ADGRD1: variants seen among roughly 807,000 people sequenced by gnomAD.
ADGRD1 encodes G-protein coupled receptor 133.
A neutral mutation model predicts 113.4 loss-of-function variants in ADGRD1; 77 were observed. The ratio of observed to expected loss-of-function variants is 0.68; its 90% CI spans 0.57 to 0.82. ADGRD1 has a LOEUF of 0.82. Ranked by LOEUF, ADGRD1 falls within the 40% of genes least tolerant of loss-of-function variation. The probability of loss-of-function intolerance (pLI) is 0.00; values close to 1 mark genes in which losing one functional copy is unlikely to be tolerated. For missense variants in ADGRD1, 1,036 were observed against 1,139.1 expected, an observed-to-expected ratio of 0.91 and a Z score of 1.30; for synonymous variants, 474 against 475.0, an observed-to-expected ratio of 1.00 and a Z score of 0.03.
chr12:131,120,977 G>C, intron 20 of ADGRD1, 64 bp downstream of exon 20: 1 of 1,473,070 alleles, frequency 6.8e-7, no homozygotes, highest in Non-Finnish European at 9.4e-7. Flanking sequence ...GAGGGTGTGG[G>C]GCTCTGGAGA....
chr12:131,014,574 C>T lies in ADGRD1; in HGVS notation c.1473+234C>T, dbSNP rs1878339004. Among the ~76,000 whole-genome samples the T allele has an allele frequency of 1.3e-5, 2 of 152,150 alleles. 1 individual carries two copies. The highest frequency in any genetic ancestry group is 4.8e-5 in the African/African-American group (2 of 41,434). ...CGCGGTGTCGATGTTGGGGAAGAGG[C>T]GTCGAGGTGGCTCTCCTAGACGTGT... On this transcript the variant is annotated intron_variant, in intron 13 of 24. Transcript: ENST00000261654.
chr12:131,031,515 C>T (rs1304253306), intron 13 of ADGRD1, among the ~76,000 whole-genome samples: 1 of 152,148 alleles, frequency 6.6e-6, no homozygotes, highest in Middle Eastern at 3.2e-3. Context: ...CACAGCTTCT[C>T]AGATTTGCGT....
chr12:131,014,082 C>A, intron 12 of ADGRD1, 117 bp from the exon 13 acceptor site: 2 of 1,011,666 alleles, frequency 2.0e-6, no homozygotes, highest in Non-Finnish European at 2.9e-6. Flanking sequence ...AAGCTTCATC[C>A]AAAGAAGATT....
intron 15 of ADGRD1, among the ~76,000 whole-genome samples, chr12:131,089,004 C>T (rs964134305): frequency 1.3e-5 from 2 of 152,176 alleles, no homozygotes; most frequent in African/African-American, 2.4e-5. Flanking sequence ...AGTGAGGCCC[C>T]ACCGGTCCCA....
intron 20 of ADGRD1, among the ~76,000 whole-genome samples, chr12:131,130,757 G>A (rs552286318): frequency 1.3e-5 from 2 of 150,178 alleles, no homozygotes; most frequent in East Asian, 1.9e-4. Flanking sequence ...TCCCGTGCGG[G>A]GGGAGAGCGA....
intron 8 of ADGRD1, among the ~76,000 whole-genome samples, chr12:130,998,376 C>T (rs1426330657): frequency 6.6e-6 from 1 of 152,218 alleles, no homozygotes; most frequent in Non-Finnish European, 1.5e-5. Flanking sequence ...CAGATTTACC[C>T]AAAACCCCAG....
chr12:130,991,077 T>A lies in ADGRD1; in HGVS notation c.809T>A (p.Val270Glu), dbSNP rs147773154. The A allele has an allele frequency of 6.2e-7, 1 of 1,613,408 alleles. No homozygotes were observed. Among genetic ancestry groups the A allele is most frequent in the Non-Finnish European group, 8.5e-7 (1 of 1,179,390 alleles). The change falls in exon 7 of 25, where the codon GTG becomes GAG. Residue 270 changes from valine to glutamate, a missense_variant and splice_region_variant. Transcript: ENST00000261654. ...SLFMTSTASP[V>E]MPTDAYHPII... The stretch of plus-strand genomic sequence containing the variant: ...TTCATGACATCCACAGCAAGCCCCG[T>A]GGTGAGCAGACACATCTTCCTTGGT...
chr12:131,052,252 A>T (rs1883468338), intron 13 of ADGRD1, among the ~76,000 whole-genome samples: 1 of 152,120 alleles, frequency 6.6e-6, no homozygotes, highest in Non-Finnish European at 1.5e-5. Context: ...ATTTTCTCTG[A>T]GATGAGAACC....
In ADGRD1 at chr12:131,139,605, G is replaced by C. The variant is rs1951195145; in HGVS notation, c.*342G>C. The C allele has an allele frequency of 4.6e-6, 1 of 218,312 alleles. No homozygotes were observed. The highest frequency in any genetic ancestry group is 1.2e-4 in the East Asian group (1 of 8,678). The allele number at this position is 218,312 out of a possible 1,614,324, so 13.5% of individuals were successfully genotyped here. On this transcript the variant is annotated 3_prime_UTR_variant, in exon 25 of 25. Transcript: ENST00000261654. ...AGACCCAGCGAGGCCAGGACACTCG[G>C]GGCCGGTCCCGCAGCACCAGGAGGG...
Position 130,971,714 on chromosome 12 carries a change from C to A in ADGRD1, c.310+134C>A. ...ATGCGTGAGAATGTCAACGATGGAT[C>A]GGAGGGCAGGGGAGGGAGGAATACA... On this transcript the variant is annotated intron_variant, in intron 4 of 24. Coordinates refer to ENST00000261654, the MANE Select transcript of ADGRD1 (RefSeq NM_198827.5). This position sits in a 1 kb window ranked among gnomAD's most constrained non-coding sequence, Gnocchi z 4.2. The A allele has an allele frequency of 1.1e-6, 1 of 889,228 alleles. No individual in the cohort carries two copies. Among genetic ancestry groups the A allele is most frequent in the Non-Finnish European group, 1.6e-6 (1 of 616,856 alleles). 55.1% of individuals were successfully genotyped at this position (889,228 alleles called of 1,614,324 possible).
At chr12:131,095,884 A>ACCT (rs1887243300) in intron 15 of ADGRD1, among the ~76,000 whole-genome samples, 1 of 152,096 alleles carries the variant, frequency 6.6e-6, no homozygotes. Context: ...GTGTCAGGAG[A>ACCT]CAGAGGGGTT....
At chr12:131,004,890 C>T (rs752621593) in intron 11 of ADGRD1, among the ~76,000 whole-genome samples, 6 of 152,168 alleles carry the variant, frequency 3.9e-5, no homozygotes, top group Admixed American at 6.5e-5. Context: ...CTACAATGAC[C>T]GTCACCCTCT....
chr12:131,105,221 G>A (rs184435636), intron 16 of ADGRD1, among the ~76,000 whole-genome samples: 9 of 152,368 alleles, frequency 5.9e-5, no homozygotes, highest in Admixed American at 1.3e-4. Flanking sequence ...TTGAGGGCCC[G>A]ACTGTGCCCA....
At chr12:130,964,988 TTAAAG>T (rs1870852437) in intron 2 of ADGRD1, among the ~76,000 whole-genome samples, 1 of 152,222 alleles carries the variant, frequency 6.6e-6, no homozygotes, top group Non-Finnish European at 1.5e-5. Context: ...TACTCATAGA[TTAAAG>T]TATAGTTTAC....
At chr12:131,134,120 T>C (rs187867656) in intron 21 of ADGRD1, among the ~76,000 whole-genome samples, 1 of 152,210 alleles carries the variant, frequency 6.6e-6, no homozygotes, top group Non-Finnish European at 1.5e-5. Flanking sequence ...TGGTCAGGTT[T>C]TACAAGTGGG....
At chr12:131,062,009 A>AT (rs1192402623) in intron 13 of ADGRD1, among the ~76,000 whole-genome samples, 3 of 151,954 alleles carry the variant, frequency 2.0e-5, no homozygotes, top group African/African-American at 7.3e-5. Context: ...CCACAGTTTG[A>AT]TTTTTTTGTT....
Position 131,050,373 on chromosome 12 carries a change from C to T in ADGRD1, c.1474-26428C>T, listed in dbSNP as rs113585416. ...TTCTAGCCCAAATTTCCCAAGATCA[C>T]GAGCCACTCGTGTGTTGCCCTGTGT... On this transcript the variant is annotated intron_variant, in intron 13 of 24. Transcript: ENST00000261654. The surrounding 1 kb of genome is among the most constrained non-coding windows in gnomAD (Gnocchi z 4.8). Among the ~76,000 whole-genome samples, 38 of 152,192 alleles carry T rather than the reference C, an allele frequency of 2.5e-4. No individual in the cohort carries two copies. The highest frequency in any genetic ancestry group is 8.4e-4 in the African/African-American group (35 of 41,520).
chr12:131,086,669 C>T (rs746041618), intron 15 of ADGRD1, among the ~76,000 whole-genome samples: 14 of 152,180 alleles, frequency 9.2e-5, no homozygotes, highest in East Asian at 1.9e-4. Flanking sequence ...CCTCACAGGG[C>T]GAAAGACGCA....
intron 13 of ADGRD1, among the ~76,000 whole-genome samples, chr12:131,051,812 A>G (rs984151978): frequency 5.3e-5 from 8 of 152,220 alleles, no homozygotes; most frequent in African/African-American, 1.9e-4. Flanking sequence ...ACACTTTCTT[A>G]GCATTTCTCT....
Sources: allele counts gnomAD v4.1 joint callset (sites outside exome capture counted in the v4.1 genomes callset), GRCh38; gene constraint gnomAD v4.1.1; non-coding constraint Gnocchi (gnomAD v3.1); transcripts MANE v1.5; gene names NCBI Gene and HGNC (gene_info 2026-07-23, HGNC 2026-07-21).